SLC16A10: variants seen among roughly 807,000 people sequenced by gnomAD.
SLC16A10 encodes the protein monocarboxylate transporter 10.
A neutral mutation model predicts 40.0 loss-of-function variants in SLC16A10; 27 were observed. The observed-to-expected ratio is 0.67, with a 90% CI of 0.50 to 0.93. The LOEUF (loss-of-function observed/expected upper bound fraction) is 0.93, where lower values mean the gene tolerates loss of function less well. Ranked by LOEUF, SLC16A10 falls within the 40% of genes least tolerant of loss-of-function variation. The pLI is 0.00. For synonymous variants in SLC16A10, 213 were observed against 249.8 expected, an observed-to-expected ratio of 0.85 and a Z score of 1.39; for missense variants, 529 against 658.2, an observed-to-expected ratio of 0.80 and a Z score of 2.15.
Position 111,223,346 on chromosome 6 carries a change from T to G in SLC16A10, c.*1111T>G, listed in dbSNP as rs761026856. On this transcript the variant is annotated 3_prime_UTR_variant, in exon 6 of 6. Transcript: ENST00000368851. ...TTTATCCTATGAACATTCCCATTGT[T>G]TTTTTTTGCTATTTATATACAGATT... The G allele has an allele frequency of 3.3e-5, 5 of 152,092 alleles. No homozygotes were observed. Among genetic ancestry groups the G allele is most frequent in the Non-Finnish European group, 7.4e-5 (5 of 68,002 alleles). 9.4% of individuals were successfully genotyped at this position (152,092 alleles called of 1,614,324 possible).
rs774306693 is a variant in SLC16A10, at chr6:111,172,681, C to T, written c.344-14C>T. ...CATGTCATAATTCCCCCCACGCTTT[C>T]CCTTCTTTTACAGCATGGGTAGGTT... On this transcript the variant is annotated splice_polypyrimidine_tract_variant and intron_variant, in intron 1 of 5. Coordinates refer to ENST00000368851, the MANE Select transcript of SLC16A10 (RefSeq NM_018593.5). 1 of 1,609,176 alleles carries T rather than the reference C, an allele frequency of 6.2e-7. No individual in the cohort carries two copies. The highest frequency in any genetic ancestry group is 1.3e-5 in the African/African-American group (1 of 74,964).
intron 3 of SLC16A10, among the ~76,000 whole-genome samples, chr6:111,203,831 A>T (rs1409843256): frequency 7.9e-5 from 12 of 152,140 alleles, no homozygotes; most frequent in African/African-American, 2.9e-4. Context: ...CTTCTTTCAA[A>T]ATACCTCAAA....
chr6:111,108,395 A>G (rs1771324728), intron 1 of SLC16A10, among the ~76,000 whole-genome samples: 2 of 152,088 alleles, frequency 1.3e-5, no homozygotes, highest in Admixed American at 6.5e-5. Flanking sequence ...AAGGGCACCT[A>G]TTTTTCTTCA....
intron 3 of SLC16A10, among the ~76,000 whole-genome samples, chr6:111,181,942 G>A (rs1419841430): frequency 6.6e-6 from 1 of 151,958 alleles, no homozygotes; most frequent in African/African-American, 2.4e-5. Flanking sequence ...TTGCCTGAGA[G>A]TTGTTTTGTT....
intron 2 of SLC16A10, chr6:111,173,609 G>A (rs763320235): frequency 6.6e-6 from 1 of 152,144 alleles, no homozygotes; most frequent in Non-Finnish European, 1.5e-5. Context: ...TGTCAGATCA[G>A]TGGCAGCATT....
intron 1 of SLC16A10, among the ~76,000 whole-genome samples, chr6:111,100,427 TCAC>T (rs1771153680): frequency 6.6e-6 from 1 of 152,148 alleles, no homozygotes; most frequent in African/African-American, 2.4e-5. Context: ...TCTCGCTTTG[TCAC>T]CAGGCTGGAG....
chr6:111,100,992 C>CTCTCTCTATA (rs1410556945), intron 1 of SLC16A10, among the ~76,000 whole-genome samples: 1 of 66,426 alleles, frequency 1.5e-5, no homozygotes, highest in African/African-American at 6.5e-5. Context: ...CTCTCTCTCT[C>CTCTCTCTATA]TATATATATA....
rs983414837 is a variant in SLC16A10, at chr6:111,214,992, G to T, written c.1087-3822G>T. 7.0e-4 allele frequency among the ~76,000 whole-genome samples: 106 copies of T among 151,980 alleles called. 1 individual carries two copies. The highest frequency in any genetic ancestry group is 2.2e-3 in the African/African-American group (93 of 41,392). On this transcript the variant is annotated intron_variant, in intron 4 of 5. Coordinates refer to ENST00000368851, the MANE Select transcript of SLC16A10 (RefSeq NM_018593.5). Reference sequence around the variant, plus strand: ...AAAGTAGCCAGGCGTGGTAGTGGGCGCCTATAGTCCCAGCTACTCGGGAGG... The same window carrying T: ...AAAGTAGCCAGGCGTGGTAGTGGGCTCCTATAGTCCCAGCTACTCGGGAGG...
In SLC16A10 at chr6:111,224,787, CCTTT is replaced by C. The variant is rs1239737360; in HGVS notation, c.*2555_*2558del. 1 of 152,118 alleles carries C rather than the reference CCTTT, an allele frequency of 6.6e-6. No homozygotes were observed. Among genetic ancestry groups the C allele is most frequent in the East Asian group, 1.9e-4 (1 of 5,194 alleles). The allele number at this position is 152,118 out of a possible 1,614,324, so 9.4% of individuals were successfully genotyped here. ...GTGCTTTAATCTAGTCAAACTAAAT[CCTTT>C]CTAATTTCTGAATGAAGTGTTACTG... On this transcript the variant is annotated 3_prime_UTR_variant, in exon 6 of 6. Coordinates refer to ENST00000368851, the MANE Select transcript of SLC16A10 (RefSeq NM_018593.5).
rs76921389 is a variant in SLC16A10 at position 111,225,549 on chromosome 6, C to T, written c.*3314C>T. ...TGGGCGACAGAGCGAGACTCCATCT[C>T]AAAAAAAAAAAAAAAAAGTAAAAGT... On this transcript the variant is annotated 3_prime_UTR_variant, in exon 6 of 6. Coordinates refer to ENST00000368851, the MANE Select transcript of SLC16A10 (RefSeq NM_018593.5). 1 of 110,058 alleles carries T rather than the reference C, an allele frequency of 9.1e-6. No homozygotes were observed. The highest frequency in any genetic ancestry group is 1.0e-4 in the Admixed American group (1 of 9,848). The allele number at this position is 110,058 out of a possible 1,614,324, so 6.8% of individuals were successfully genotyped here. A position where few individuals can be genotyped will look rare whatever the true frequency, so the allele number is the denominator to read the frequency against.
intron 2 of SLC16A10, 118 bp downstream of exon 2, chr6:111,172,957 A>G: frequency 1.5e-6 from 2 of 1,291,940 alleles, no homozygotes; most frequent in Non-Finnish European, 2.1e-6. Context: ...TTAAAACTTT[A>G]AGCAATATGA....
At chr6:111,170,754 T>A (rs1365640542) in intron 1 of SLC16A10, among the ~76,000 whole-genome samples, 1 of 152,226 alleles carries the variant, frequency 6.6e-6, no homozygotes, top group Non-Finnish European at 1.5e-5. Context: ...CAGCCTAGAT[T>A]GTTTCTTAAA....
intron 3 of SLC16A10, among the ~76,000 whole-genome samples, chr6:111,184,814 G>T (rs934850444): frequency 2.0e-5 from 3 of 152,148 alleles, no homozygotes; most frequent in African/African-American, 7.2e-5. Flanking sequence ...ATGAAAATTT[G>T]AGACTAATAA....
intron 1 of SLC16A10, among the ~76,000 whole-genome samples, chr6:111,151,725 A>C (rs1455566693): frequency 6.6e-6 from 1 of 152,244 alleles, no homozygotes; most frequent in Non-Finnish European, 1.5e-5. Flanking sequence ...TTCTGGCTAC[A>C]TCCTTAGAGA....
chr6:111,155,029 A>T (rs1372743790), intron 1 of SLC16A10, among the ~76,000 whole-genome samples: 1 of 150,504 alleles, frequency 6.6e-6, no homozygotes, highest in Non-Finnish European at 1.5e-5. Flanking sequence ...TCTCAAAAAA[A>T]AAAAAAAAAA....
At chr6:111,143,840 G>A (rs988179353) in intron 1 of SLC16A10, among the ~76,000 whole-genome samples, 4 of 152,112 alleles carry the variant, frequency 2.6e-5, no homozygotes, top group African/African-American at 7.2e-5. Context: ...TATGGACTTT[G>A]GGGCTGGGCA....
chr6:111,195,762 A>G (rs1434402525), intron 3 of SLC16A10, among the ~76,000 whole-genome samples: 3 of 152,134 alleles, frequency 2.0e-5, no homozygotes, highest in South Asian at 2.1e-4. Flanking sequence ...TGCCAAGGCC[A>G]TCTGATTCCC....
intron 3 of SLC16A10, among the ~76,000 whole-genome samples, chr6:111,180,080 C>T (rs776445623): frequency 5.9e-5 from 9 of 152,126 alleles, no homozygotes; most frequent in East Asian, 1.9e-4. Flanking sequence ...ATATATGAGA[C>T]GTAAAAATTT....
chr6:111,206,461 T>A, intron 3 of SLC16A10, 131 bp from the exon 4 acceptor site: 1 of 882,970 alleles, frequency 1.1e-6, no homozygotes, highest in Non-Finnish European at 1.8e-6. Flanking sequence ...ACAAGTTTCA[T>A]AAATATTGAA....
Sources: gnomAD v4.1 joint callset for allele counts (sites outside exome capture counted in the v4.1 genomes callset) on GRCh38, gnomAD v4.1.1 for gene constraint, MANE v1.5 for transcripts, NCBI Gene and HGNC (gene_info 2026-07-23, HGNC 2026-07-21) for gene names.